CEP128: variants seen among roughly 807,000 people sequenced by gnomAD.
The protein encoded by CEP128 is centrosomal protein 128.
CEP128 carries 132 observed loss-of-function variants against 156.7 expected under a neutral mutation model. That is an observed-to-expected ratio of 0.84 (90% CI 0.73 to 0.97). The LOEUF is 0.97. CEP128 is among the 50% of genes least tolerant of loss of function. CEP128 has a pLI of 0.00. For synonymous variants in CEP128, 469 were observed against 448.9 expected, an observed-to-expected ratio of 1.04 and a Z score of -0.57; for missense variants, 1,252 against 1,281.9, an observed-to-expected ratio of 0.98 and a Z score of 0.36.
chr14:80,856,664 CGTGTGTGT>C (rs908211651), intron 9 of CEP128, among the ~76,000 whole-genome samples: 1 of 142,256 alleles, frequency 7.0e-6, no homozygotes, highest in African/African-American at 2.6e-5. Flanking sequence ...AGTGTGCCTG[CGTGTGTGT>C]GTGTGCGTGT....
In CEP128 at chr14:80,725,997, C is replaced by T. The variant is rs567306040; in HGVS notation, c.2806+17078G>A. On this transcript the variant is annotated intron_variant, in intron 19 of 24. Transcript: ENST00000555265. ...TAGTATAAGGTACTATCTATAAAAA[C>T]AAATAAGTAACTTCTATAAGATCCT... Among the ~76,000 whole-genome samples the T allele has an allele frequency of 2.0e-5, 3 of 152,254 alleles. 1 individual carries two copies. The highest frequency in any genetic ancestry group is 2.0e-4 in the Admixed American group (3 of 15,298).
intron 2 of CEP128, among the ~76,000 whole-genome samples, chr14:80,925,591 T>G (rs1465644405): frequency 6.6e-6 from 1 of 152,120 alleles, no homozygotes. Context: ...GTTTTTTGTT[T>G]TTTTGGTTTT....
chr14:80,563,015 T>C (rs1890754284), intron 20 of CEP128, among the ~76,000 whole-genome samples: 1 of 152,172 alleles, frequency 6.6e-6, no homozygotes, highest in Non-Finnish European at 1.5e-5. Context: ...AAAAAGCCAG[T>C]ATATGTCCTA....
intron 8 of CEP128, among the ~76,000 whole-genome samples, chr14:80,863,491 C>T (rs1310975240): frequency 6.6e-6 from 1 of 152,146 alleles, no homozygotes; most frequent in Non-Finnish European, 1.5e-5. Flanking sequence ...AATGTTTAAT[C>T]AGGACTCTAA....
chr14:80,842,898 G>A (rs1367331568), intron 9 of CEP128, among the ~76,000 whole-genome samples: 2 of 151,920 alleles, frequency 1.3e-5, no homozygotes, highest in Non-Finnish European at 2.9e-5. Context: ...CAACAACAAT[G>A]AGCCTTAATA....
At chr14:80,906,353 G>A (rs1883885234) in intron 4 of CEP128, among the ~76,000 whole-genome samples, 1 of 152,130 alleles carries the variant, frequency 6.6e-6, no homozygotes, top group African/African-American at 2.4e-5. Context: ...TACTGTGTAA[G>A]GGCTTACAAA....
chr14:80,595,034 T>C (rs1253531852), intron 19 of CEP128, among the ~76,000 whole-genome samples: 5 of 152,196 alleles, frequency 3.3e-5, no homozygotes, highest in African/African-American at 9.7e-5. Flanking sequence ...CATGTGTTTA[T>C]TGCAGCACTA....
At position 80,526,851 on chromosome 14, in the gene CEP128, G is replaced by A; in HGVS notation, c.3072+18C>T. The A allele has an allele frequency of 7.1e-7, 1 of 1,404,776 alleles. No individual in the cohort carries two copies. The highest frequency in any genetic ancestry group is 1.0e-6 in the Non-Finnish European group (1 of 994,064). 87.0% of individuals were successfully genotyped at this position (1,404,776 alleles called of 1,614,324 possible). ...TGGATACTACTTAAAGACTAAAAAA[G>A]TATATAAAGAAAATTACTTTGAAAC... On this transcript the variant is annotated intron_variant, in intron 23 of 24. Coordinates refer to ENST00000555265, the MANE Select transcript of CEP128 (RefSeq NM_152446.5).
Position 80,784,916 on chromosome 14 carries a change from C to A in CEP128, c.2190G>T (p.Glu730Asp). Reference protein sequence around the residue: ...KHFKKEKSEAENHIRTLKAES... With the variant: ...KHFKKEKSEADNHIRTLKAES... The stretch of plus-strand genomic sequence containing the variant: ...GTACCTTCAGAGTCCTGATATGATT[C>A]TCAGCCTCACTCTTTTCTTTCTTAA... The change falls in exon 15 of 25, where the codon GAG (glutamate) becomes GAT (aspartate). Residue 730 changes from glutamate to aspartate, a missense_variant. Coordinates refer to ENST00000555265, the MANE Select transcript of CEP128 (RefSeq NM_152446.5). The A allele has an allele frequency of 6.2e-7, 1 of 1,611,714 alleles. No homozygotes were observed. The highest frequency in any genetic ancestry group is 2.2e-5 in the East Asian group (1 of 44,882).
At chr14:80,812,081 T>C (rs941602526) in intron 13 of CEP128, among the ~76,000 whole-genome samples, 1 of 152,170 alleles carries the variant, frequency 6.6e-6, no homozygotes, top group African/African-American at 2.4e-5. Flanking sequence ...GGCCACAGTG[T>C]CTATTGTTCC....
intron 19 of CEP128, among the ~76,000 whole-genome samples, chr14:80,615,099 A>T (rs1350958487): frequency 6.6e-6 from 1 of 152,240 alleles, no homozygotes; most frequent in Non-Finnish European, 1.5e-5. Context: ...GAGTATGTTA[A>T]TCATTGCAAG....
chr14:80,927,396 C>T (rs1489863281), intron 2 of CEP128, among the ~76,000 whole-genome samples: 1 of 152,234 alleles, frequency 6.6e-6, no homozygotes, highest in Non-Finnish European at 1.5e-5. Context: ...GCAGACACAG[C>T]TGGGGCTCCT....
chr14:80,550,675 A>C (rs1466990542), intron 21 of CEP128, among the ~76,000 whole-genome samples: 2 of 151,562 alleles, frequency 1.3e-5, no homozygotes, highest in Non-Finnish European at 2.9e-5. Flanking sequence ...TATATATATG[A>C]ATATCGAGAA....
intron 19 of CEP128, among the ~76,000 whole-genome samples, chr14:80,641,591 AG>A (rs1460322695): frequency 6.6e-6 from 1 of 152,214 alleles, no homozygotes; most frequent in African/African-American, 2.4e-5. Flanking sequence ...TTGAATTAAA[AG>A]TTTCTACGGC....
At chr14:80,633,084 G>T (rs994909349) in intron 19 of CEP128, among the ~76,000 whole-genome samples, 1 of 151,888 alleles carries the variant, frequency 6.6e-6, no homozygotes, top group African/African-American at 2.4e-5. Context: ...AAAATTAGCT[G>T]GGTATGGTGA....
chr14:80,784,550 G>A (rs1901294839), intron 15 of CEP128, among the ~76,000 whole-genome samples: 2 of 152,146 alleles, frequency 1.3e-5, no homozygotes, highest in African/African-American at 2.4e-5. Flanking sequence ...AGCTTCTCTG[G>A]CCTTGACGAG....
chr14:80,578,925 C>T (rs1248177647), intron 20 of CEP128, among the ~76,000 whole-genome samples: 1 of 152,166 alleles, frequency 6.6e-6, no homozygotes, highest in African/African-American at 2.4e-5. Flanking sequence ...CATTCTCCAA[C>T]TATAAATGTC....
chr14:80,565,512 CCT>C (rs1341827344), intron 20 of CEP128, among the ~76,000 whole-genome samples: 1 of 152,132 alleles, frequency 6.6e-6, no homozygotes, highest in Non-Finnish European at 1.5e-5. Flanking sequence ...TCACAATTCC[CCT>C]GTCTTGATAA....
Position 80,667,839 on chromosome 14 carries a change from C to G in CEP128, c.2806+75236G>C, listed in dbSNP as rs147849235. Among the ~76,000 whole-genome samples the G allele has an allele frequency of 5.1e-3, 631 of 122,632 alleles. 4 individuals are homozygous for G. Among genetic ancestry groups the G allele is most frequent in the African/African-American group, 0.021 (603 of 29,406 alleles). The allele number at this position is 122,632 out of a possible 152,430, so 80.5% of individuals were successfully genotyped here. A position where few individuals can be genotyped will look rare whatever the true frequency, so the allele number is the denominator to read the frequency against. The stretch of plus-strand genomic sequence containing the variant: ...CGCCACTGCACTCCAGCCTGGGCAA[C>G]AGAGCGAGACTCCATCTCAAAAAAA... On this transcript the variant is annotated intron_variant, in intron 19 of 24. Transcript: ENST00000555265.
Sources: allele counts gnomAD v4.1 joint callset (sites outside exome capture counted in the v4.1 genomes callset), GRCh38; gene constraint gnomAD v4.1.1; transcripts MANE v1.5; gene names NCBI Gene and HGNC (gene_info 2026-07-23, HGNC 2026-07-21).